Variants in ACVR1 observed in about 807,000 individuals in gnomAD.
ACVR1 encodes activin A receptor type 1.
A neutral mutation model predicts 57.1 loss-of-function variants in ACVR1; 38 were observed. That is an observed-to-expected ratio of 0.67 (90% CI 0.51 to 0.87). ACVR1 has a LOEUF of 0.87. ACVR1 is among the 40% of genes least tolerant of loss of function. ACVR1 has a pLI of 0.00. For synonymous variants in ACVR1, 212 were observed against 228.1 expected, an observed-to-expected ratio of 0.93 and a Z score of 0.63; for missense variants, 463 against 638.2, an observed-to-expected ratio of 0.73 and a Z score of 2.96.
chr2:157,796,529 G>A (rs1687131719), intron 3 of ACVR1, among the ~76,000 whole-genome samples: 1 of 152,050 alleles, frequency 6.6e-6, no homozygotes, highest in South Asian at 2.1e-4. Context: ...ACCCCAACCT[G>A]GGTGAAAGAG....
intron 1 of ACVR1, among the ~76,000 whole-genome samples, chr2:157,833,498 G>A (rs557567504): frequency 4.6e-5 from 7 of 152,282 alleles, no homozygotes; most frequent in South Asian, 2.1e-4. Context: ...GAGAGACATG[G>A]TAAGAAACAG....
intron 9 of ACVR1, among the ~76,000 whole-genome samples, chr2:157,748,420 A>AT (rs1685054234): frequency 6.6e-6 from 1 of 152,152 alleles, no homozygotes; most frequent in African/African-American, 2.4e-5. Flanking sequence ...CAGAATTAAA[A>AT]TTTTCAGTTC....
intron 3 of ACVR1, among the ~76,000 whole-genome samples, chr2:157,798,561 T>A (rs1323711303): frequency 1.3e-5 from 2 of 151,834 alleles, no homozygotes; most frequent in African/African-American, 4.8e-5. Context: ...GGAATCTTGC[T>A]CTGTTGCCCA....
intron 1 of ACVR1, among the ~76,000 whole-genome samples, chr2:157,846,307 T>C (rs1689125450): frequency 6.6e-6 from 1 of 152,234 alleles, no homozygotes; most frequent in Non-Finnish European, 1.5e-5. Context: ...AAATTTGTGC[T>C]GTTTCAAGAT....
At chr2:157,768,019 TCTTA>T (rs1685932504) in intron 7 of ACVR1, among the ~76,000 whole-genome samples, 2 of 152,238 alleles carry the variant, frequency 1.3e-5, no homozygotes, top group Admixed American at 6.5e-5. Context: ...GAACCCAGAC[TCTTA>T]CTGACTATGC....
rs563436073 is a variant in ACVR1, at chr2:157,736,522, T to C, written c.*1009A>G. 8.2e-5 allele frequency: 20 copies of C among 244,838 alleles called. No homozygotes were observed. The East Asian group carries it at 1.4e-3, about 17-fold the overall frequency. The allele number at this position is 244,838 out of a possible 1,614,324, so 15.2% of individuals were successfully genotyped here. On this transcript the variant is annotated 3_prime_UTR_variant, in exon 11 of 11. Coordinates refer to ENST00000434821, the MANE Select transcript of ACVR1 (RefSeq NM_001111067.4). The stretch of plus-strand genomic sequence containing the variant: ...AAAGTAGATTAAAACAAAATAGTTA[T>C]TTTTTTCTGGCAGAGTTTAAATGCA...
intron 1 of ACVR1, among the ~76,000 whole-genome samples, chr2:157,847,358 G>C (rs778079970): frequency 6.6e-6 from 1 of 152,062 alleles, no homozygotes; most frequent in African/African-American, 2.4e-5. Flanking sequence ...AGATTGACCT[G>C]AGCAGGAAGA....
At chr2:157,744,308 A>C (rs987834517) in intron 9 of ACVR1, among the ~76,000 whole-genome samples, 2 of 152,126 alleles carry the variant, frequency 1.3e-5, no homozygotes, top group African/African-American at 2.4e-5. Context: ...TATTTTAGAG[A>C]GGGAAAAAAA....
chr2:157,740,587 C>T (rs1684714159), intron 9 of ACVR1, among the ~76,000 whole-genome samples: 1 of 152,164 alleles, frequency 6.6e-6, no homozygotes. Flanking sequence ...AAAAATCTAG[C>T]ATAACAGCCA....
At chr2:157,772,894 A>G (rs1686125464) in intron 6 of ACVR1, among the ~76,000 whole-genome samples, 2 of 152,140 alleles carry the variant, frequency 1.3e-5, no homozygotes, top group African/African-American at 4.8e-5. Context: ...CCCGCTGGTT[A>G]CTCCTGTGCC....
Position 157,875,999 on chromosome 2 carries a change from G to A in ACVR1, c.-386C>T, listed in dbSNP as rs1290991813. 2 of 150,664 alleles carry A rather than the reference G, an allele frequency of 1.3e-5. No homozygotes were observed. The highest frequency in any genetic ancestry group is 2.4e-5 in the African/African-American group (1 of 41,002). 9.3% of individuals were successfully genotyped at this position (150,664 alleles called of 1,614,324 possible). On this transcript the variant is annotated 5_prime_UTR_variant, in exon 1 of 11. Transcript: ENST00000434821. ...GCGGCTGCGGTGGCTGCAGCGGAGCGGTGCGTGGGGCCGGGAGCTTCCCGG... is the reference window on the plus strand; with the variant it reads ...GCGGCTGCGGTGGCTGCAGCGGAGCAGTGCGTGGGGCCGGGAGCTTCCCGG...
At chr2:157,859,469 TTAATA>T (rs1377569402) in intron 1 of ACVR1, among the ~76,000 whole-genome samples, 2 of 152,242 alleles carry the variant, frequency 1.3e-5, no homozygotes, top group African/African-American at 2.4e-5. Context: ...CTTTACTTTC[TTAATA>T]AACTTGCTTC....
At chr2:157,796,828 A>C (rs1687141385) in intron 3 of ACVR1, among the ~76,000 whole-genome samples, 1 of 152,194 alleles carries the variant, frequency 6.6e-6, no homozygotes, top group African/African-American at 2.4e-5. Context: ...CCCAGCTTTA[A>C]TATAAGCCCA....
At chr2:157,796,237 A>AT (rs972518819) in intron 3 of ACVR1, among the ~76,000 whole-genome samples, 1 of 151,512 alleles carries the variant, frequency 6.6e-6, no homozygotes, top group Non-Finnish European at 1.5e-5. Flanking sequence ...AAAAAAAAAA[A>AT]AATTAAAAGG....
At chr2:157,846,051 G>A (rs576725231) in intron 1 of ACVR1, among the ~76,000 whole-genome samples, 179 of 152,284 alleles carry the variant, frequency 1.2e-3, no homozygotes, top group African/African-American at 4.2e-3. Context: ...TGTGACAAAG[G>A]GACTTTGCAG....
At chr2:157,860,359 T>C (rs539352592) in intron 1 of ACVR1, among the ~76,000 whole-genome samples, 4 of 152,278 alleles carry the variant, frequency 2.6e-5, no homozygotes, top group South Asian at 4.1e-4. Context: ...GTCTAAGGTT[T>C]AGGAAGCAGC....
chr2:157,741,967 AG>A (rs1433486679), intron 9 of ACVR1, among the ~76,000 whole-genome samples: 1 of 152,132 alleles, frequency 6.6e-6, no homozygotes, highest in African/African-American at 2.4e-5. Context: ...TTCCAGGCAG[AG>A]GGAGGCTATG....
chr2:157,752,327 C>T (rs1346058622), intron 9 of ACVR1, among the ~76,000 whole-genome samples: 3 of 152,180 alleles, frequency 2.0e-5, no homozygotes, highest in African/African-American at 7.2e-5. Flanking sequence ...AGCCCCAGAC[C>T]TTCCCTCTGA....
intron 8 of ACVR1, among the ~76,000 whole-genome samples, chr2:157,764,988 G>T (rs1220645521): frequency 2.0e-5 from 3 of 152,032 alleles, no homozygotes; most frequent in Non-Finnish European, 2.9e-5. Context: ...CATAACTAAA[G>T]CTATTTTTGT....
Sources: gnomAD v4.1 joint callset for allele counts (sites outside exome capture counted in the v4.1 genomes callset) on GRCh38, gnomAD v4.1.1 for gene constraint, MANE v1.5 for transcripts, NCBI Gene and HGNC (gene_info 2026-07-23, HGNC 2026-07-21) for gene names.